The following ITSN1 variants were observed in gnomAD, a reference collection of about 807,000 sequenced individuals.
The protein encoded by ITSN1 is intersectin-1.
A neutral mutation model predicts 239.8 loss-of-function variants in ITSN1; 58 were observed. The observed-to-expected ratio is 0.24, with a 90% confidence interval of 0.20 to 0.30. The LOEUF (loss-of-function observed/expected upper bound fraction) is 0.30, where lower values mean the gene tolerates loss of function less well. ITSN1 is among the 10% of genes least tolerant of loss of function. The pLI is 1.00. For synonymous variants in ITSN1, 780 were observed against 770.8 expected, an observed-to-expected ratio of 1.01 and a Z score of -0.20; for missense variants, 1,558 against 2,103.3, an observed-to-expected ratio of 0.74 and a Z score of 5.07.
intron 4 of ITSN1, among the ~76,000 whole-genome samples, chr21:33,723,217 C>G (rs946499261): frequency 2.0e-5 from 3 of 152,138 alleles, no homozygotes; most frequent in African/African-American, 7.2e-5. Context: ...GAGAGCCATG[C>G]TGAATTCTGT....
intron 31 of ITSN1, among the ~76,000 whole-genome samples, chr21:33,861,894 T>C (rs1980609255): frequency 6.7e-6 from 1 of 149,034 alleles, no homozygotes; most frequent in Admixed American, 6.8e-5. Context: ...TGCAGTGAGC[T>C]GAGATCGCAC....
chr21:33,885,552 C>T (rs752333843), intron 38 of ITSN1, 30 bp downstream of exon 38: 2 of 1,591,360 alleles, frequency 1.3e-6, no homozygotes, highest in South Asian at 2.2e-5. Context: ...CCGGCTCCTG[C>T]TTTGGGGTTG....
chr21:33,878,399 C>A (rs1984360841), intron 34 of ITSN1, among the ~76,000 whole-genome samples: 1 of 152,172 alleles, frequency 6.6e-6, no homozygotes, highest in Non-Finnish European at 1.5e-5. Context: ...CTCATTCATT[C>A]TTTTTGCCCA....
intron 1 of ITSN1, among the ~76,000 whole-genome samples, chr21:33,667,796 G>A (rs1484190574): frequency 6.6e-6 from 1 of 152,168 alleles, no homozygotes; most frequent in Non-Finnish European, 1.5e-5. Flanking sequence ...CGCTCCTTAT[G>A]TACATTGTAT....
Position 33,814,153 on chromosome 21 carries a change from C to A in ITSN1, c.2727+81C>A. 2.1e-6 allele frequency: 3 copies of A among 1,414,902 alleles called. No homozygotes were observed. The South Asian group carries it at 3.9e-5, about 18-fold the overall frequency. 87.6% of individuals were successfully genotyped at this position (1,414,902 alleles called of 1,614,324 possible). ...TTCAGCAAATGCTTTTTGGCAATGT[C>A]ATTTTGAAGCAAGCCTTGTTATGTG... On this transcript the variant is annotated intron_variant, in intron 22 of 39. Transcript: ENST00000381318.
intron 4 of ITSN1, among the ~76,000 whole-genome samples, chr21:33,725,577 G>A (rs1728196357): frequency 6.6e-6 from 1 of 152,174 alleles, no homozygotes; most frequent in Admixed American, 6.5e-5. Context: ...GTGGGTGACA[G>A]AGCAAGACCC....
chr21:33,682,277 G>A (rs368130498), intron 1 of ITSN1, among the ~76,000 whole-genome samples: 12 of 149,830 alleles, frequency 8.0e-5, no homozygotes, highest in Admixed American at 3.3e-4. Context: ...GTGCAATGGC[G>A]CAATCTCAGC....
At chr21:33,870,298 A>G (rs1982489534) in intron 33 of ITSN1, among the ~76,000 whole-genome samples, 1 of 152,236 alleles carries the variant, frequency 6.6e-6, no homozygotes, top group Non-Finnish European at 1.5e-5. Context: ...GTTGAAAACA[A>G]GCTTTTAAAA....
Position 33,882,562 on chromosome 21 carries a change from A to C in ITSN1, c.4554+107A>C. The C allele has an allele frequency of 1.1e-6, 1 of 897,686 alleles. No homozygotes were observed. Among genetic ancestry groups the C allele is most frequent in the East Asian group, 2.6e-5 (1 of 38,114 alleles). 55.6% of individuals were successfully genotyped at this position (897,686 alleles called of 1,614,324 possible). On this transcript the variant is annotated intron_variant, in intron 35 of 39. Coordinates refer to ENST00000381318, the MANE Select transcript of ITSN1 (RefSeq NM_003024.3). The surrounding 1 kb of genome is among the most constrained non-coding windows in gnomAD (Gnocchi z 4.5). ...AGCAGGGTCAGGGGCTGTGGCATGC[A>C]GGAGAAGGCCAGGAGTTGAAATGCG...
chr21:33,782,136 A>G lies in ITSN1; in HGVS notation c.1824+3A>G, dbSNP rs1426962550. On this transcript the variant is annotated splice_donor_region_variant and intron_variant, in intron 16 of 39. Coordinates refer to ENST00000381318, the MANE Select transcript of ITSN1 (RefSeq NM_003024.3). ...ATATTTTCAATAATCAGCTGAAGGT[A>G]ACTCTTCTATGTGTGCCTGCATGTG... is the stretch of plus-strand genomic sequence containing the variant. 3 of 1,613,252 alleles carry G rather than the reference A, an allele frequency of 1.9e-6. No individual in the cohort carries two copies. Among genetic ancestry groups the G allele is most frequent in the African/African-American group, 2.7e-5 (2 of 74,888 alleles).
At chr21:33,689,731 GCTGAGGCCGGTGGATCAC>G (rs895583996) in intron 1 of ITSN1, among the ~76,000 whole-genome samples, 1 of 152,140 alleles carries the variant, frequency 6.6e-6, no homozygotes, top group Non-Finnish European at 1.5e-5. Context: ...ACTCGGGGAG[GCTGAGGCCGGTGGATCAC>G]CTGAGGTCAG....
rs372874725 is a variant in ITSN1 at position 33,772,334 on chromosome 21, G to A, written c.1305+11G>A. 1.4e-4 allele frequency: 217 copies of A among 1,550,962 alleles called. No homozygotes were observed. The Middle Eastern group carries it at 1.5e-3, about 10-fold the overall frequency. On this transcript the variant is annotated intron_variant, in intron 12 of 39. Coordinates refer to ENST00000381318, the MANE Select transcript of ITSN1 (RefSeq NM_003024.3). Reference sequence around the variant, plus strand: ...ATTGAGAGGCGAGAGGTAAGCAGGCGAGAGTGGAGCCACCCGGAGTTAGTG... The same window carrying A: ...ATTGAGAGGCGAGAGGTAAGCAGGCAAGAGTGGAGCCACCCGGAGTTAGTG...
At chr21:33,819,375 A>G in intron 24 of ITSN1, 52 bp downstream of exon 24, 1 of 1,264,326 alleles carries the variant, frequency 7.9e-7, no homozygotes, top group Non-Finnish European at 1.1e-6. Flanking sequence ...GACATTGTGT[A>G]AATGTTTGAA....
At chr21:33,716,893 A>C (rs1452918025) in intron 1 of ITSN1, among the ~76,000 whole-genome samples, 1 of 151,570 alleles carries the variant, frequency 6.6e-6, no homozygotes, top group Non-Finnish European at 1.5e-5. Flanking sequence ...CAGAGGTTGC[A>C]GTGAGCTGAG....
intron 1 of ITSN1, among the ~76,000 whole-genome samples, chr21:33,705,170 G>T (rs9975084): frequency 6.7e-6 from 1 of 150,178 alleles, no homozygotes; most frequent in African/African-American, 2.4e-5. Flanking sequence ...CACTGAACCA[G>T]CCTGTTGTTT....
intron 1 of ITSN1, among the ~76,000 whole-genome samples, chr21:33,668,634 T>A (rs1204078311): frequency 3.3e-5 from 5 of 152,208 alleles, no homozygotes; most frequent in Non-Finnish European, 7.3e-5. Flanking sequence ...TGTTAAAGAT[T>A]AGGCCTTCTG....
Position 33,858,798 on chromosome 21 carries a change from C to A in ITSN1, c.3890+6C>A. ...TGTAATATCAAACTACTAAAGTAAG[C>A]CTCTCCTCTAATCCCCAGCCTGGCT... On this transcript the variant is annotated splice_donor_region_variant and intron_variant, in intron 31 of 39. Transcript: ENST00000381318. The A allele has an allele frequency of 6.3e-7, 1 of 1,575,844 alleles. No individual in the cohort carries two copies. Among genetic ancestry groups the A allele is most frequent in the Non-Finnish European group, 8.7e-7 (1 of 1,146,186 alleles).
chr21:33,755,155 G>A (rs2067823075), intron 7 of ITSN1, 142 bp from the exon 8 acceptor site: 1 of 492,986 alleles, frequency 2.0e-6, no homozygotes, highest in African/African-American at 2.0e-5. Context: ...AAAAAAATCA[G>A]AAGTAGTGAT....
chr21:33,775,908 A>G (rs2069563255), intron 14 of ITSN1, among the ~76,000 whole-genome samples: 1 of 152,210 alleles, frequency 6.6e-6, no homozygotes, highest in East Asian at 1.9e-4. Flanking sequence ...CTGGTTTGGT[A>G]TCAAGTGCTG....
Sources: allele counts gnomAD v4.1 joint callset (sites outside exome capture counted in the v4.1 genomes callset), GRCh38; gene constraint gnomAD v4.1.1; non-coding constraint Gnocchi (gnomAD v3.1); transcripts MANE v1.5; gene names NCBI Gene and HGNC (gene_info 2026-07-23, HGNC 2026-07-21).